The following HPSE2 variants were observed in gnomAD, a reference collection of about 807,000 sequenced individuals.
The protein encoded by HPSE2 is heparanase 2 (inactive).
HPSE2 carries 38 observed loss-of-function variants against 60.5 expected under a neutral mutation model. The ratio of observed to expected loss-of-function variants is 0.63; its 90% CI spans 0.48 to 0.82. The LOEUF is 0.82. Ranked by LOEUF, HPSE2 falls within the 40% of genes least tolerant of loss-of-function variation. The probability of loss-of-function intolerance (pLI) is 0.00; values close to 1 mark genes in which losing one functional copy is unlikely to be tolerated. For missense variants in HPSE2, 713 were observed against 740.4 expected (o/e 0.96, Z 0.43); for synonymous variants, 295 against 293.2 (o/e 1.01, Z -0.06).
intron 3 of HPSE2, among the ~76,000 whole-genome samples, chr10:99,004,330 C>A (rs1387792260): frequency 1.3e-5 from 2 of 151,104 alleles, no homozygotes; most frequent in Non-Finnish European, 3.0e-5. Context: ...TTTTTAGAAC[C>A]TCTTTTCTTT....
chr10:98,728,491 A>C (rs780133518), intron 4 of HPSE2, among the ~76,000 whole-genome samples: 66 of 152,038 alleles, frequency 4.3e-4, no homozygotes, highest in Non-Finnish European at 1.0e-4. Context: ...GGTGCTGGGT[A>C]CCTGTAATCC....
chr10:98,664,351 G>A (rs1307348850), intron 6 of HPSE2, among the ~76,000 whole-genome samples: 1 of 152,094 alleles, frequency 6.6e-6, no homozygotes, highest in African/African-American at 2.4e-5. Context: ...GCCTGGGTTT[G>A]TGGGCTGGCA....
At chr10:98,811,959 T>A (rs542612816) in intron 3 of HPSE2, among the ~76,000 whole-genome samples, 1 of 152,290 alleles carries the variant, frequency 6.6e-6, no homozygotes, top group South Asian at 2.1e-4. Flanking sequence ...AAGTCTCAAT[T>A]TGTGATTGTT....
chr10:98,859,461 C>G (rs887815174), intron 3 of HPSE2, among the ~76,000 whole-genome samples: 2 of 152,140 alleles, frequency 1.3e-5, no homozygotes, highest in African/African-American at 4.8e-5. Context: ...AGTCCACTTT[C>G]ACATATGTGG....
chr10:98,782,657 G>A, intron 3 of HPSE2, among the ~76,000 whole-genome samples: 1 of 84,650 alleles, frequency 1.2e-5, no homozygotes, highest in East Asian at 2.8e-4. Context: ...TTAAGCCAAT[G>A]TAATGTTGAT....
At chr10:99,047,681 C>T (rs571443626) in intron 3 of HPSE2, 26 of 796,726 alleles carry the variant, frequency 3.3e-5, no homozygotes, top group Middle Eastern at 7.0e-4. Flanking sequence ...TCCTGCTGTG[C>T]CAGAAACCCT....
At chr10:98,577,973 C>T (rs1483311618) in intron 9 of HPSE2, among the ~76,000 whole-genome samples, 1 of 152,038 alleles carries the variant, frequency 6.6e-6, no homozygotes, top group African/African-American at 2.4e-5. Context: ...AACTTTTATC[C>T]TTGATGGAAA....
intron 2 of HPSE2, among the ~76,000 whole-genome samples, chr10:99,164,570 T>C (rs1051756375): frequency 3.3e-5 from 5 of 152,046 alleles, no homozygotes; most frequent in Non-Finnish European, 7.4e-5. Flanking sequence ...CATGTGTTCA[T>C]TGCTACTGGG....
chr10:98,467,927 G>A (rs1392247590), intron 11 of HPSE2, among the ~76,000 whole-genome samples: 5 of 152,234 alleles, frequency 3.3e-5, no homozygotes, highest in African/African-American at 9.6e-5. Context: ...AGAACGGGGG[G>A]TCCCAGGGCA....
chr10:99,284,684 T>C, the HPSE2 span, among the ~76,000 whole-genome samples: 3 of 152,152 alleles, frequency 2.0e-5, no homozygotes, highest in Non-Finnish European at 2.9e-5. Context: ...ATTAAAAATA[T>C]TTGGGTTTTT....
the HPSE2 span, among the ~76,000 whole-genome samples, chr10:99,254,744 TG>T: frequency 1.3e-5 from 2 of 152,280 alleles, no homozygotes; most frequent in South Asian, 2.1e-4. Flanking sequence ...TTATAAGAAA[TG>T]GAGTACTAAT....
chr10:98,570,778 C>G (rs500028), intron 9 of HPSE2, among the ~76,000 whole-genome samples: 130,576 of 152,018 alleles, frequency 0.86, 57,077 homozygotes, highest in East Asian at 1. Flanking sequence ...AGGTCAACTG[C>G]AGTCCCATTA....
At chr10:99,075,156 GACATTTATC>G (rs1842916934) in intron 3 of HPSE2, among the ~76,000 whole-genome samples, 1 of 151,896 alleles carries the variant, frequency 6.6e-6, no homozygotes, top group Non-Finnish European at 1.5e-5. Flanking sequence ...TTTTAATACA[GACATTTATC>G]ACTATCAACT....
chr10:98,953,662 G>A (rs1955430365), intron 3 of HPSE2, among the ~76,000 whole-genome samples: 1 of 152,106 alleles, frequency 6.6e-6, no homozygotes, highest in South Asian at 2.1e-4. Context: ...AGACATATTT[G>A]TATGCTACGT....
intron 3 of HPSE2, among the ~76,000 whole-genome samples, chr10:98,875,765 C>T (rs1412235225): frequency 2.0e-5 from 3 of 151,894 alleles, no homozygotes; most frequent in East Asian, 1.9e-4. Context: ...TTCAATCCTC[C>T]GTGAATTCTA....
At chr10:98,915,170 T>C (rs1954084471) in intron 3 of HPSE2, among the ~76,000 whole-genome samples, 1 of 151,052 alleles carries the variant, frequency 6.6e-6, no homozygotes, top group Admixed American at 6.6e-5. Flanking sequence ...TTTTTTGAGA[T>C]GGAGTCTCAC....
Position 98,482,508 on chromosome 10 carries a change from CCG to C in HPSE2, c.1613+126_1613+127del, listed in dbSNP as rs577595601. On this transcript the variant is annotated intron_variant, in intron 11 of 11. Coordinates refer to ENST00000370552, the MANE Select transcript of HPSE2 (RefSeq NM_021828.5). The stretch of plus-strand genomic sequence containing the variant: ...GAGTCAGCAGTCACCTGACCCCAGA[CCG>C]CTCTTTGTCCTACTCCATCCCACTG... 60 of 1,140,010 alleles carry C rather than the reference CCG, an allele frequency of 5.3e-5. 1 individual carries two copies. The South Asian group carries it at 7.2e-4, about 14-fold the overall frequency. 70.6% of individuals were successfully genotyped at this position (1,140,010 alleles called of 1,614,324 possible). A position where few individuals can be genotyped will look rare whatever the true frequency, so the allele number is the denominator to read the frequency against.
At chr10:98,654,151 TTAG>T (rs1322030604) in intron 6 of HPSE2, among the ~76,000 whole-genome samples, 1 of 152,140 alleles carries the variant, frequency 6.6e-6, no homozygotes, top group Non-Finnish European at 1.5e-5. Context: ...TCTTTTTTCT[TTAG>T]TTCTATAATA....
At chr10:98,733,359 C>A (rs1949275245) in intron 4 of HPSE2, among the ~76,000 whole-genome samples, 1 of 152,080 alleles carries the variant, frequency 6.6e-6, no homozygotes. Flanking sequence ...TGAGCTCAAA[C>A]AATCTGCCCA....
Sources: gnomAD v4.1 joint callset for allele counts (sites outside exome capture counted in the v4.1 genomes callset) on GRCh38, gnomAD v4.1.1 for gene constraint, MANE v1.5 for transcripts, NCBI Gene and HGNC (gene_info 2026-07-23, HGNC 2026-07-21) for gene names.